The following DAPK2 variants were observed in gnomAD, a reference collection of about 807,000 sequenced individuals.
DAPK2 encodes the protein death-associated protein kinase 2.
In DAPK2, 35 loss-of-function variants were observed where a neutral mutation model predicts 44.1. The ratio of observed to expected loss-of-function variants is 0.79; its 90% CI spans 0.61 to 1.05. DAPK2 has a LOEUF of 1.05. Among genes scored for constraint, DAPK2 ranks in the 50% least tolerant of loss-of-function variants. DAPK2 has a pLI of 0.00. For missense variants in DAPK2, 453 were observed against 483.2 expected (o/e 0.94, Z 0.59); for synonymous variants, 174 against 182.6 (o/e 0.95, Z 0.38).
chr15:64,035,367 G>C (rs542518195), intron 1 of DAPK2, among the ~76,000 whole-genome samples: 14 of 152,202 alleles, frequency 9.2e-5, no homozygotes, highest in South Asian at 6.2e-4. Context: ...CTTCCCAAAG[G>C]CTCATCCTTC....
intron 3 of DAPK2, among the ~76,000 whole-genome samples, chr15:63,947,708 G>A (rs11852732): frequency 0.3 from 46,108 of 152,122 alleles, 7,676 homozygotes; most frequent in Non-Finnish European, 0.36. Flanking sequence ...TGTTATCATA[G>A]TCTCTGTGAC....
chr15:63,942,476 G>A (rs537409794), intron 3 of DAPK2, among the ~76,000 whole-genome samples: 13 of 152,042 alleles, frequency 8.6e-5, no homozygotes, highest in South Asian at 2.1e-4. Context: ...CACTTGAACC[G>A]GGGAGGTGGA....
chr15:64,006,405 T>A (rs2079231110), intron 1 of DAPK2, among the ~76,000 whole-genome samples: 1 of 152,112 alleles, frequency 6.6e-6, no homozygotes, highest in Non-Finnish European at 1.5e-5. Flanking sequence ...TCTCCTTATA[T>A]CATGTCCTGG....
intron 3 of DAPK2, among the ~76,000 whole-genome samples, chr15:63,957,310 T>C (rs959071834): frequency 6.6e-6 from 1 of 152,186 alleles, no homozygotes; most frequent in Non-Finnish European, 1.5e-5. Context: ...TGTGCCTTTG[T>C]AGGTGAAATG....
intron 1 of DAPK2, among the ~76,000 whole-genome samples, chr15:64,030,979 TAC>T (rs71131201): frequency 0.013 from 1,875 of 140,242 alleles, 13 homozygotes; most frequent in African/African-American, 0.015. Context: ...AATACACACA[TAC>T]ACACACACAC....
At chr15:64,026,582 G>C (rs1010265850) in intron 1 of DAPK2, among the ~76,000 whole-genome samples, 1 of 152,110 alleles carries the variant, frequency 6.6e-6, no homozygotes, top group African/African-American at 2.4e-5. Flanking sequence ...GGTTTCCCCA[G>C]CAAGGTGGAG....
intron 3 of DAPK2, among the ~76,000 whole-genome samples, chr15:63,963,385 A>T (rs2140657692): frequency 6.6e-6 from 1 of 152,336 alleles, no homozygotes; most frequent in East Asian, 1.9e-4. Flanking sequence ...CCTCAGTTGG[A>T]AATGCAGAAA....
Position 63,939,287 on chromosome 15 carries a change from G to A in DAPK2, c.528C>T (p.His176=), listed in dbSNP as rs186891659. The change falls in exon 4 of 11, where the codon CAC becomes CAT. Residue 176 remains histidine (H), a synonymous_variant. Coordinates refer to ENST00000261891, the Ensembl canonical transcript of DAPK2. The surrounding 1 kb of genome is among the most constrained non-coding windows in gnomAD (Gnocchi z 4.3). Reference sequence around the variant, plus strand: ...TAAATTCAACTCCATCTTCTATTTCGTGAGCCAGACCAAAGTCAATCAGCT... The same window carrying A: ...TAAATTCAACTCCATCTTCTATTTCATGAGCCAGACCAAAGTCAATCAGCT... 3.5e-4 allele frequency: 569 copies of A among 1,613,452 alleles called. No individual in the cohort carries two copies. Among genetic ancestry groups the A allele is most frequent in the Non-Finnish European group, 4.4e-4 (521 of 1,179,918 alleles).
chr15:63,947,119 A>C (rs140472295), intron 3 of DAPK2, among the ~76,000 whole-genome samples: 2 of 149,922 alleles, frequency 1.3e-5, no homozygotes, highest in African/African-American at 4.9e-5. Context: ...CCTCTTCATC[A>C]CCCCATCCCA....
chr15:63,931,041 G>A (rs1285587827), intron 4 of DAPK2, among the ~76,000 whole-genome samples: 1 of 152,012 alleles, frequency 6.6e-6, no homozygotes, highest in African/African-American at 2.4e-5. Context: ...CTCCAGCCTG[G>A]GTGACAGAGT....
At chr15:63,971,315 T>G in intron 3 of DAPK2, 108 bp downstream of exon 4, 1 of 1,343,686 alleles carries the variant, frequency 7.4e-7, no homozygotes, top group East Asian at 2.3e-5. Flanking sequence ...CACTGTAAGA[T>G]GAGAAAGAAG....
At position 63,939,338 on chromosome 15, in the gene DAPK2, G is replaced by C; in HGVS notation, c.477C>G (p.Asp159Glu). 6.2e-7 allele frequency: 1 copy of C among 1,610,044 alleles called. No individual in the cohort carries two copies. Among genetic ancestry groups the C allele is most frequent in the Non-Finnish European group, 8.5e-7 (1 of 1,178,530 alleles). ...TGATGTGTGGAATGGGAATATTCTT[G>C]TCTAACAACATAATGTTTTCTGGCT... The change falls in exon 4 of 11, where the codon GAC (aspartate) becomes GAG (glutamate). Residue 159 changes from aspartate (D) to glutamate (E), a missense_variant. Physicochemically the swap from Asp to Glu is conservative, Grantham distance 45. Transcript: ENST00000261891. This position sits in a 1 kb window ranked among gnomAD's most constrained non-coding sequence, Gnocchi z 4.3.
chr15:63,954,434 C>T (rs2077668211), intron 3 of DAPK2, among the ~76,000 whole-genome samples: 1 of 151,998 alleles, frequency 6.6e-6, no homozygotes, highest in African/African-American at 2.4e-5. Context: ...TTGTTGGCAC[C>T]GTTGTCGAAA....
chr15:63,909,991 T>C (rs373491332), intron 10 of DAPK2, among the ~76,000 whole-genome samples: 21 of 152,176 alleles, frequency 1.4e-4, no homozygotes, highest in East Asian at 1.2e-3. Flanking sequence ...AGATCAACTT[T>C]AGCCAAATAC....
At chr15:63,911,984 A>G (rs2078805221) in exon 10 of DAPK2, 1 of 1,613,816 alleles carries the variant, frequency 6.2e-7, no homozygotes, top group African/African-American at 1.3e-5. Flanking sequence ...CACGATGCTG[A>G]AGGAAAGCTG....
At chr15:64,016,667 C>T (rs1312083579) in intron 1 of DAPK2, among the ~76,000 whole-genome samples, 2 of 152,096 alleles carry the variant, frequency 1.3e-5, no homozygotes, top group Non-Finnish European at 2.9e-5. Context: ...TTTGCTCATG[C>T]TTGTAGTCCT....
rs573776744 is a variant in DAPK2 at position 63,991,023 on chromosome 15, C to T, written c.93-7269G>A. The stretch of plus-strand genomic sequence containing the variant: ...TATTTCCCACCCTTTCCCAACACAT[C>T]CATCTTCCAGCCAGGCCACTCCAAA... On this transcript the variant is annotated intron_variant, in intron 1 of 10. Coordinates refer to ENST00000261891, the Ensembl canonical transcript of DAPK2. Among the ~76,000 whole-genome samples the T allele has an allele frequency of 2.0e-5, 3 of 152,270 alleles. No homozygotes were observed. The South Asian group carries it at 6.2e-4, about 32-fold the overall frequency.
intron 1 of DAPK2, among the ~76,000 whole-genome samples, chr15:64,000,383 C>T (rs1223113389): frequency 6.6e-6 from 1 of 152,170 alleles, no homozygotes; most frequent in Admixed American, 6.5e-5. Flanking sequence ...TGGACTTTGT[C>T]CCCACACCCA....
intron 1 of DAPK2, among the ~76,000 whole-genome samples, chr15:63,999,317 C>T (rs1366125307): frequency 2.6e-5 from 4 of 152,214 alleles, no homozygotes; most frequent in African/African-American, 4.8e-5. Flanking sequence ...TTCCAGGGCA[C>T]GTGGGGACTG....
Sources: gnomAD v4.1 joint callset for allele counts (sites outside exome capture counted in the v4.1 genomes callset) on GRCh38, gnomAD v4.1.1 for gene constraint, Gnocchi (gnomAD v3.1) non-coding constraint, MANE v1.5 for transcripts, NCBI Gene and HGNC (gene_info 2026-07-23, HGNC 2026-07-21) for gene names.